Variants in SH2D4A observed in about 807,000 individuals in gnomAD.
The protein encoded by SH2D4A is SH2 domain-containing protein 4A.
SH2D4A carries 70 observed loss-of-function variants against 64.7 expected under a neutral mutation model. The ratio of observed to expected loss-of-function variants is 1.08; its 90% CI spans 0.89 to 1.32. The LOEUF (loss-of-function observed/expected upper bound fraction) is 1.32. SH2D4A is among the 40% of genes most tolerant of loss of function. The probability of loss-of-function intolerance (pLI) is 0.00; values close to 1 mark genes in which losing one functional copy is unlikely to be tolerated. For missense variants in SH2D4A, 706 were observed against 540.1 expected, an observed-to-expected ratio of 1.31 and a Z score of -3.04; for synonymous variants, 268 against 200.7, an observed-to-expected ratio of 1.34 and a Z score of -2.83.
chr8:19,374,642 C>T (rs2053163281), intron 8 of SH2D4A, among the ~76,000 whole-genome samples: 1 of 152,166 alleles, frequency 6.6e-6, no homozygotes, highest in South Asian at 2.1e-4. Flanking sequence ...GTGGTCAGAA[C>T]GTCACAGAAG....
intron 1 of SH2D4A, among the ~76,000 whole-genome samples, chr8:19,315,147 A>T (rs996133423): frequency 1.3e-5 from 2 of 151,596 alleles, no homozygotes; most frequent in South Asian, 4.2e-4. Context: ...TAATGTTTTT[A>T]ATTTTTGAGA....
At chr8:19,393,885 C>G (rs1167148921) in intron 9 of SH2D4A, among the ~76,000 whole-genome samples, 1 of 152,214 alleles carries the variant, frequency 6.6e-6, no homozygotes, top group African/African-American at 2.4e-5. Context: ...TCCATGGACT[C>G]AGTGTTGGGG....
intron 4 of SH2D4A, among the ~76,000 whole-genome samples, chr8:19,337,232 G>A (rs749898634): frequency 6.6e-6 from 1 of 152,154 alleles, no homozygotes; most frequent in Admixed American, 6.5e-5. Context: ...CTGACAGCAG[G>A]CCACACAGCG....
intron 8 of SH2D4A, among the ~76,000 whole-genome samples, chr8:19,388,141 T>C (rs146318420): frequency 1.2e-4 from 18 of 152,332 alleles, no homozygotes; most frequent in African/African-American, 4.3e-4. Flanking sequence ...TTCGGCTCAT[T>C]CCAGGAAAAT....
chr8:19,346,437 C>A (rs1430713620), intron 4 of SH2D4A, among the ~76,000 whole-genome samples: 1 of 152,218 alleles, frequency 6.6e-6, no homozygotes, highest in Non-Finnish European at 1.5e-5. Context: ...TAATGCCTGA[C>A]GATCTGTCAC....
intron 2 of SH2D4A, among the ~76,000 whole-genome samples, chr8:19,323,093 G>C (rs2052219087): frequency 6.6e-6 from 1 of 152,042 alleles, no homozygotes; most frequent in Admixed American, 6.5e-5. Flanking sequence ...GGGAGAATGT[G>C]ATACTTAGGG....
chr8:19,332,027 T>A (rs2052370908), intron 2 of SH2D4A, among the ~76,000 whole-genome samples: 1 of 152,234 alleles, frequency 6.6e-6, no homozygotes, highest in East Asian at 1.9e-4. Flanking sequence ...TGGTAATGCA[T>A]GCCTGCATTC....
intron 4 of SH2D4A, among the ~76,000 whole-genome samples, chr8:19,342,510 G>A (rs2052544650): frequency 6.6e-6 from 1 of 152,204 alleles, no homozygotes; most frequent in African/African-American, 2.4e-5. Flanking sequence ...GATGATAGTG[G>A]TTATAGATAG....
chr8:19,393,278 G>A, intron 8 of SH2D4A, 40 bp from the exon 9 acceptor site: 1 of 1,586,838 alleles, frequency 6.3e-7, no homozygotes, highest in Non-Finnish European at 8.7e-7. Flanking sequence ...TTTCTGGAAT[G>A]ATTTGGCTGA....
At chr8:19,315,398 A>G (rs1416903103) in intron 1 of SH2D4A, among the ~76,000 whole-genome samples, 2 of 152,138 alleles carry the variant, frequency 1.3e-5, no homozygotes, top group African/African-American at 4.8e-5. Context: ...CACCTCCCAA[A>G]GTGTTGGGAT....
chr8:19,334,790 T>C lies in SH2D4A; in HGVS notation c.446T>C (p.Val149Ala). 6.2e-7 allele frequency: 1 copy of C among 1,613,974 alleles called. No individual in the cohort carries two copies. The highest frequency in any genetic ancestry group is 2.2e-5 in the East Asian group (1 of 44,864). ...NQQTKDIWKKVAEKEELEQGS... is the reference protein window; with the variant it reads ...NQQTKDIWKKAAEKEELEQGS... Reference sequence around the variant, plus strand: ...CAGACTAAAGACATCTGGAAGAAAGTGGCAGAAAAGGAGGAACTGGAGCAA... The same window carrying C: ...CAGACTAAAGACATCTGGAAGAAAGCGGCAGAAAAGGAGGAACTGGAGCAA... Residue 149 changes from valine to alanine, a missense_variant, in exon 4 of 10, where the codon GTG (valine) becomes GCG (alanine). Transcript: ENST00000265807.
intron 8 of SH2D4A, among the ~76,000 whole-genome samples, chr8:19,376,600 G>A (rs2053200568): frequency 6.6e-6 from 1 of 152,082 alleles, no homozygotes. Flanking sequence ...CCAGGCCTGG[G>A]CAACAGAGTG....
chr8:19,355,731 G>C (rs183751102), intron 4 of SH2D4A, among the ~76,000 whole-genome samples: 2 of 152,242 alleles, frequency 1.3e-5, no homozygotes, highest in East Asian at 3.9e-4. Flanking sequence ...ATAATACTAA[G>C]ACACTAACAT....
chr8:19,369,722 T>A (rs1301955977), intron 7 of SH2D4A, among the ~76,000 whole-genome samples: 1 of 152,078 alleles, frequency 6.6e-6, no homozygotes, highest in East Asian at 1.9e-4. Flanking sequence ...GTCATCTCTT[T>A]TTCTTTGTGT....
At chr8:19,319,261 C>T (rs1031120245) in intron 1 of SH2D4A, 83 bp from the exon 2 acceptor site, 3 of 1,041,700 alleles carry the variant, frequency 2.9e-6, no homozygotes, top group Non-Finnish European at 1.2e-6. Flanking sequence ...GTGTTTCCTC[C>T]TAGCTTTTTT....
Position 19,319,717 on chromosome 8 carries a change from G to C in SH2D4A, c.170G>C (p.Arg57Thr). The part of the protein sequence containing the change: ...ERKESLPVKP[R>T]PKKENGKSVH... ...AAGGAGTCCCTGCCAGTGAAACCCA[G>C]ACCAAAGAAAGGTAAACTTATCCAC... The change falls in exon 2 of 10, where the codon AGA (arginine) becomes ACA (threonine). Residue 57 changes from arginine (R) to threonine (T), a missense_variant. Physicochemically the swap from Arg to Thr is moderately conservative, Grantham distance 71 (BLOSUM62 -1). Coordinates refer to ENST00000265807, the MANE Select transcript of SH2D4A (RefSeq NM_022071.4). The C allele has an allele frequency of 6.3e-7, 1 of 1,583,964 alleles. No homozygotes were observed. The highest frequency in any genetic ancestry group is 1.2e-5 in the South Asian group (1 of 85,316).
chr8:19,388,687 A>G (rs898784296), intron 8 of SH2D4A, among the ~76,000 whole-genome samples: 3 of 152,218 alleles, frequency 2.0e-5, no homozygotes, highest in African/African-American at 7.2e-5. Flanking sequence ...TCAAAGAAAA[A>G]TGAAATGCAT....
chr8:19,364,395 C>T, intron 7 of SH2D4A, 113 bp downstream of exon 7: 2 of 1,188,012 alleles, frequency 1.7e-6, no homozygotes, highest in South Asian at 1.4e-5. Context: ...GGCCAACTGG[C>T]AGCCTGTGTA....
chr8:19,350,681 A>T (rs1424627559), intron 4 of SH2D4A, among the ~76,000 whole-genome samples: 1 of 152,004 alleles, frequency 6.6e-6, no homozygotes, highest in African/African-American at 2.4e-5. Context: ...ACAGGGTTTC[A>T]CCATGTTGCC....
Sources: gnomAD v4.1 joint callset for allele counts (sites outside exome capture counted in the v4.1 genomes callset) on GRCh38, gnomAD v4.1.1 for gene constraint, MANE v1.5 for transcripts, NCBI Gene and HGNC (gene_info 2026-07-23, HGNC 2026-07-21) for gene names.